The following PHLDB2 variants were observed in gnomAD, a reference collection of about 807,000 sequenced individuals.
PHLDB2 encodes the protein pleckstrin homology-like domain family B member 2.
PHLDB2 carries 71 observed loss-of-function variants against 123.6 expected under a neutral mutation model. The ratio of observed to expected loss-of-function variants is 0.57; its 90% confidence interval spans 0.47 to 0.70. PHLDB2 has a LOEUF of 0.70. PHLDB2 is among the 30% of genes least tolerant of loss of function. The pLI, the probability that PHLDB2 is intolerant of heterozygous loss-of-function variation, is 0.00. For synonymous variants in PHLDB2, 547 were observed against 541.6 expected (o/e 1.01, Z -0.14); for missense variants, 1,446 against 1,519.5 (o/e 0.95, Z 0.80).
rs532662433 is a variant in PHLDB2 at position 111,762,466 on chromosome 3, G to A, written c.-49+29763G>A. ...GGAAACTAAGGCACAGAAGGGTTAA[G>A]TACCTTGCCCAAGGGCATCCTAGGG... On this transcript the variant is annotated intron_variant, in intron 1 of 17. Coordinates refer to the PHLDB2 transcript ENST00000393923. Among the ~76,000 whole-genome samples, 5 of 152,324 alleles carry A rather than the reference G, an allele frequency of 3.3e-5. No homozygotes were observed. The South Asian group carries it at 1.0e-3, about 32-fold the overall frequency.
At position 111,948,983 on chromosome 3, in the gene PHLDB2, C is replaced by A. The variant is rs752569304; in HGVS notation, c.2539C>A (p.Leu847Ile). 1 of 1,614,044 alleles carries A rather than the reference C, an allele frequency of 6.2e-7. No homozygotes were observed. The highest frequency in any genetic ancestry group is 1.1e-5 in the South Asian group (1 of 91,082). Residue 847 changes from leucine (L) to isoleucine (I), a missense_variant, in exon 10 of 18, where the codon CTA (leucine) becomes ATA (isoleucine). By Grantham distance (5) the Leu-to-Ile change is conservative. Transcript: ENST00000431670. ...TGAGCCGTGTGGCAATTCCACGAAT[C>A]TATCCCCTTCCACTCAGTTTCCTGC... ...INEPCGNSTN[L>I]SPSTQFPADA...
At chr3:111,809,649 GC>G (rs1350458850) in intron 1 of PHLDB2, among the ~76,000 whole-genome samples, 19 of 152,210 alleles carry the variant, frequency 1.2e-4, no homozygotes, top group African/African-American at 4.6e-4. Context: ...CTAAGGCAAA[GC>G]CTGGCAGATT....
chr3:111,970,861 C>T (rs2072128461), intron 16 of PHLDB2, among the ~76,000 whole-genome samples: 2 of 152,070 alleles, frequency 1.3e-5, no homozygotes, highest in South Asian at 4.1e-4. Context: ...AAATAACAGT[C>T]TAGTCATTTA....
chr3:111,732,680 C>A, exon 1 of PHLDB2: 1 of 1,535,588 alleles, frequency 6.5e-7, no homozygotes, highest in Non-Finnish European at 8.7e-7. Context: ...AGGGAAGAGT[C>A]GGGATTGAAA....
rs2066092020 is a variant in PHLDB2 at position 111,885,145 on chromosome 3, G to A, written c.1068G>A (p.Gln356=). 5.0e-6 allele frequency: 8 copies of A among 1,613,960 alleles called. No individual in the cohort carries two copies. The highest frequency in any genetic ancestry group is 6.8e-6 in the Non-Finnish European group (8 of 1,180,024). ...CCTGTGCCTCTGATGACTTTGATCA[G>A]GCTTCATATGTGGGGACAAACCCGA... ...TSSCASDDFD[Q]ASYVGTNPSH... is the part of the protein sequence containing the mutation. Residue 356 remains glutamine (Q), a synonymous_variant, in exon 2 of 18, where the codon CAG becomes CAA. Transcript: ENST00000431670.
chr3:111,967,917 G>A, intron 15 of PHLDB2, 93 bp downstream of exon 15: 1 of 1,139,330 alleles, frequency 8.8e-7, no homozygotes, highest in South Asian at 1.8e-5. Flanking sequence ...TGCTTTCCTG[G>A]GCACTGAGCA....
At chr3:111,955,334 A>G (rs1255872495) in intron 12 of PHLDB2, among the ~76,000 whole-genome samples, 4 of 152,122 alleles carry the variant, frequency 2.6e-5, no homozygotes, top group African/African-American at 9.7e-5. Context: ...AATAAGCTAA[A>G]CATATTCTTT....
At position 111,860,749 on chromosome 3, in the gene PHLDB2, C is replaced by T. The variant is rs536701524; in HGVS notation, c.-15+1173C>T. On this transcript the variant is annotated intron_variant, in intron 1 of 17. Coordinates refer to ENST00000431670, the MANE Select transcript of PHLDB2 (RefSeq NM_001134438.2). Reference sequence around the variant, plus strand: ...GAAATCCTCCGGGCGCCTGGCCCTGCCCTCTTCCCTAGAAATCTTTATCCT... The same window carrying T: ...GAAATCCTCCGGGCGCCTGGCCCTGTCCTCTTCCCTAGAAATCTTTATCCT... Among the ~76,000 whole-genome samples the T allele has an allele frequency of 3.3e-5, 5 of 152,324 alleles. No individual in the cohort carries two copies. The East Asian group carries it at 9.6e-4, about 29-fold the overall frequency.
At chr3:111,949,850 C>T in intron 10 of PHLDB2, 1 of 985,948 alleles carries the variant, frequency 1.0e-6, no homozygotes, top group Non-Finnish European at 1.2e-6. Flanking sequence ...CCTTTACCAG[C>T]TAAGAAACAC....
intron 2 of PHLDB2, among the ~76,000 whole-genome samples, chr3:111,904,979 A>G (rs2067427819): frequency 6.6e-6 from 1 of 152,220 alleles, no homozygotes; most frequent in South Asian, 2.1e-4. Flanking sequence ...ATCATCTTGC[A>G]AAAGTGTATT....
intron 1 of PHLDB2, among the ~76,000 whole-genome samples, chr3:111,840,149 G>C (rs1261293765): frequency 6.6e-6 from 1 of 151,748 alleles, no homozygotes; most frequent in African/African-American, 2.4e-5. Context: ...CTGCTTGGAA[G>C]ACTGAGGCAG....
chr3:111,801,643 TG>T (rs1251872988), intron 1 of PHLDB2, among the ~76,000 whole-genome samples: 1 of 152,044 alleles, frequency 6.6e-6, no homozygotes, highest in Non-Finnish European at 1.5e-5. Context: ...AAGCTACAAT[TG>T]AGTATTATTG....
intron 5 of PHLDB2, among the ~76,000 whole-genome samples, chr3:111,925,785 G>A (rs1348779996): frequency 3.3e-5 from 5 of 152,282 alleles, no homozygotes; most frequent in South Asian, 4.2e-4. Context: ...AAGAAGATAC[G>A]GATGTGTGCA....
chr3:111,948,573 A>G (rs143054787), intron 9 of PHLDB2, among the ~76,000 whole-genome samples: 39 of 152,310 alleles, frequency 2.6e-4, no homozygotes, highest in African/African-American at 8.4e-4. Flanking sequence ...TTGGTGTACT[A>G]TTACATCTTG....
At chr3:111,917,884 G>A (rs1157749360) in intron 3 of PHLDB2, among the ~76,000 whole-genome samples, 1 of 151,990 alleles carries the variant, frequency 6.6e-6, no homozygotes, top group Non-Finnish European at 1.5e-5. Context: ...GGTTTTTTGG[G>A]GGGTTAATTT....
intron 5 of PHLDB2, among the ~76,000 whole-genome samples, chr3:111,925,784 C>T (rs139142937): frequency 4.7e-4 from 71 of 152,322 alleles, no homozygotes; most frequent in Non-Finnish European, 9.1e-4. Context: ...TAAGAAGATA[C>T]GGATGTGTGC....
chr3:111,739,127 C>A (rs112882602), intron 1 of PHLDB2, among the ~76,000 whole-genome samples: 2 of 152,036 alleles, frequency 1.3e-5, no homozygotes, highest in African/African-American at 2.4e-5. Flanking sequence ...AAGTTCTTTA[C>A]GGAAAATACA....
intron 1 of PHLDB2, among the ~76,000 whole-genome samples, chr3:111,772,127 CCTT>C (rs1228101655): frequency 3.3e-5 from 5 of 152,098 alleles, no homozygotes; most frequent in African/African-American, 1.2e-4. Flanking sequence ...ATTTATTACT[CCTT>C]CTTACTTGAA....
At chr3:111,890,394 A>C (rs1237466699) in intron 2 of PHLDB2, among the ~76,000 whole-genome samples, 1 of 152,252 alleles carries the variant, frequency 6.6e-6, no homozygotes, top group Non-Finnish European at 1.5e-5. Flanking sequence ...GTGTCTGGGC[A>C]TCCAGCCCAT....
Sources: allele counts gnomAD v4.1 joint callset (sites outside exome capture counted in the v4.1 genomes callset), GRCh38; gene constraint gnomAD v4.1.1; transcripts MANE v1.5; gene names NCBI Gene and HGNC (gene_info 2026-07-23, HGNC 2026-07-21).